Variants in MKLN1 observed in about 807,000 individuals in gnomAD.
MKLN1 encodes muskelin 1, also known as muskelin.
A neutral mutation model predicts 99.0 loss-of-function variants in MKLN1; 18 were observed. That is an observed-to-expected ratio of 0.18 (90% confidence interval 0.13 to 0.27). The LOEUF (loss-of-function observed/expected upper bound fraction) is 0.27. Ranked by LOEUF, MKLN1 falls within the 10% of genes least tolerant of loss-of-function variation. The pLI, the probability that MKLN1 is intolerant of heterozygous loss-of-function variation, is 1.00. For missense variants in MKLN1, 621 were observed against 875.9 expected (o/e 0.71, Z 3.67); for synonymous variants, 288 against 293.2 (o/e 0.98, Z 0.18).
intron 3 of MKLN1, among the ~76,000 whole-genome samples, chr7:131,253,520 C>T (rs548939363): frequency 6.6e-6 from 1 of 152,238 alleles, no homozygotes; most frequent in African/African-American, 2.4e-5. Flanking sequence ...TTGTCCTCAC[C>T]CCAGCTTTTT....
At chr7:131,278,966 T>G (rs1451706443) in intron 3 of MKLN1, among the ~76,000 whole-genome samples, 1 of 152,216 alleles carries the variant, frequency 6.6e-6, no homozygotes, top group Non-Finnish European at 1.5e-5. Context: ...AAATGTAATT[T>G]TTATTATAAT....
At chr7:131,427,861 C>CA (rs71174946) in intron 8 of MKLN1, among the ~76,000 whole-genome samples, 152,327 of 152,330 alleles carry the variant, frequency 1, 76,162 homozygotes, top group Middle Eastern at 1. Context: ...ATTGGAAACG[C>CA]CTATTATTGC....
intron 3 of MKLN1, among the ~76,000 whole-genome samples, chr7:131,230,552 G>C (rs989757991): frequency 3.3e-5 from 5 of 152,198 alleles, no homozygotes; most frequent in African/African-American, 9.7e-5. Context: ...CCAGTTCTGG[G>C]AAGGCTTCTA....
At chr7:131,285,637 G>A (rs1487919471) in intron 3 of MKLN1, among the ~76,000 whole-genome samples, 1 of 152,122 alleles carries the variant, frequency 6.6e-6, no homozygotes, top group Admixed American at 6.6e-5. Context: ...AAAAAGTAGC[G>A]ATGAGGATAA....
chr7:131,373,050 C>T (rs1325985109), intron 1 of MKLN1, among the ~76,000 whole-genome samples: 1 of 151,608 alleles, frequency 6.6e-6, no homozygotes, highest in Non-Finnish European at 1.5e-5. Flanking sequence ...CAGTCATTGT[C>T]GTGGTTGTCA....
chr7:131,301,784 A>G (rs1798380325), intron 3 of MKLN1, among the ~76,000 whole-genome samples: 1 of 152,094 alleles, frequency 6.6e-6, no homozygotes, highest in African/African-American at 2.4e-5. Context: ...GTCATTCCCC[A>G]GTTCTCTCTA....
At chr7:131,403,875 G>C (rs183220933) in intron 6 of MKLN1, among the ~76,000 whole-genome samples, 3 of 151,994 alleles carry the variant, frequency 2.0e-5, no homozygotes. Flanking sequence ...TGAAATGAGA[G>C]AGAGACACAA....
chr7:131,181,973 A>G (rs1004946233), intron 2 of MKLN1, among the ~76,000 whole-genome samples: 8 of 152,092 alleles, frequency 5.3e-5, no homozygotes, highest in Admixed American at 1.3e-4. Context: ...ATCCCTATTA[A>G]AAATACAAAA....
chr7:131,397,654 A>G (rs997461517), intron 5 of MKLN1, among the ~76,000 whole-genome samples: 1 of 152,140 alleles, frequency 6.6e-6, no homozygotes, highest in African/African-American at 2.4e-5. Context: ...GGATCACACA[A>G]TTGTAAAGTG....
chr7:131,402,592 G>A lies in MKLN1; in HGVS notation c.703+3159G>A, dbSNP rs1794582183. On this transcript the variant is annotated intron_variant, in intron 6 of 17. Transcript: ENST00000352689. The stretch of plus-strand genomic sequence containing the variant: ...GGAATCACTGTCTGTGGCAACTATA[G>A]CCTTACAAGATGTGTTTCTTAAATA... Among the ~76,000 whole-genome samples the A allele has an allele frequency of 2.0e-5, 3 of 152,092 alleles. 1 individual carries two copies. The South Asian group carries it at 6.2e-4, about 32-fold the overall frequency.
chr7:131,255,834 G>C (rs1797649607), intron 3 of MKLN1, among the ~76,000 whole-genome samples: 1 of 151,872 alleles, frequency 6.6e-6, no homozygotes, highest in African/African-American at 2.4e-5. Context: ...ACCCGCCTCA[G>C]CCTCCCAAAG....
chr7:131,400,289 G>A (rs1480290188), intron 6 of MKLN1, among the ~76,000 whole-genome samples: 1 of 151,334 alleles, frequency 6.6e-6, no homozygotes, highest in African/African-American at 2.4e-5. Context: ...GACTTGTACT[G>A]CCTTGAGTTT....
intron 1 of MKLN1, among the ~76,000 whole-genome samples, chr7:131,142,601 G>A (rs894721595): frequency 2.6e-5 from 4 of 151,738 alleles, no homozygotes; most frequent in Non-Finnish European, 4.4e-5. Context: ...TGGGCGTGTA[G>A]GCGGGCGCCT....
chr7:131,427,756 A>G (rs532861419), intron 8 of MKLN1, among the ~76,000 whole-genome samples: 6 of 152,198 alleles, frequency 3.9e-5, no homozygotes, highest in African/African-American at 9.6e-5. Flanking sequence ...GAGTTTCACT[A>G]TGTTGGCCAG....
chr7:131,121,193 T>C (rs6947261), intron 1 of MKLN1, among the ~76,000 whole-genome samples: 150,725 of 152,240 alleles, frequency 0.99, 74,640 homozygotes, highest in Middle Eastern at 1. Flanking sequence ...ACAGATCTCG[T>C]GAGAACTCAC....
intron 2 of MKLN1, among the ~76,000 whole-genome samples, chr7:131,385,742 G>A (rs1486471331): frequency 6.6e-6 from 1 of 151,816 alleles, no homozygotes; most frequent in African/African-American, 2.4e-5. Context: ...TTAAATTGTA[G>A]GGGCATTTTT....
At chr7:131,137,455 A>T (rs1416895332) in intron 1 of MKLN1, among the ~76,000 whole-genome samples, 1 of 152,216 alleles carries the variant, frequency 6.6e-6, no homozygotes, top group Non-Finnish European at 1.5e-5. Context: ...TGTGTGTGGC[A>T]CAAGATTGTG....
intron 2 of MKLN1, among the ~76,000 whole-genome samples, chr7:131,162,019 A>AAT (rs59761731): frequency 4.5e-5 from 6 of 133,956 alleles, no homozygotes; most frequent in African/African-American, 1.6e-4. Flanking sequence ...GTGATATACA[A>AAT]ATATATATAT....
At chr7:131,142,610 C>T (rs1795753094) in intron 1 of MKLN1, among the ~76,000 whole-genome samples, 1 of 151,518 alleles carries the variant, frequency 6.6e-6, no homozygotes, top group South Asian at 2.1e-4. Flanking sequence ...AGGCGGGCGC[C>T]TGTAGTCCCA....
Sources: allele counts gnomAD v4.1 joint callset (sites outside exome capture counted in the v4.1 genomes callset), GRCh38; gene constraint gnomAD v4.1.1; transcripts MANE v1.5; gene names NCBI Gene and HGNC (gene_info 2026-07-23, HGNC 2026-07-21).